The following RYR3 variants were observed in gnomAD, a reference collection of about 807,000 sequenced individuals.
RYR3 encodes ryanodine receptor 3, also known as brain ryanodine receptor-calcium release channel.
Under a neutral mutation model 584.3 loss-of-function variants are expected in RYR3, and 207 were observed. The observed-to-expected ratio is 0.35, with a 90% CI of 0.32 to 0.40. The LOEUF (loss-of-function observed/expected upper bound fraction) is 0.40, where lower values mean the gene tolerates loss of function less well. Among genes scored for constraint, RYR3 ranks in the 10% least tolerant of loss-of-function variants. RYR3 has a pLI of 1.00. For synonymous variants in RYR3, 2,416 were observed against 2,248.5 expected, an observed-to-expected ratio of 1.07 and a Z score of -2.11; for missense variants, 5,616 against 6,089.2, an observed-to-expected ratio of 0.92 and a Z score of 2.59.
chr15:33,510,781 T>C (rs1181474512), intron 3 of RYR3, among the ~76,000 whole-genome samples: 1 of 152,192 alleles, frequency 6.6e-6, no homozygotes, highest in African/African-American at 2.4e-5. Context: ...ACAGACCAAA[T>C]TGTCATTAAA....
At chr15:33,584,333 A>G (rs1310184769) in intron 14 of RYR3, 62 bp from the exon 15 acceptor site, 2 of 858,672 alleles carry the variant, frequency 2.3e-6, no homozygotes, top group Non-Finnish European at 1.9e-6. Context: ...ACAGCTTTCC[A>G]AGTTCTCACG....
intron 1 of RYR3, among the ~76,000 whole-genome samples, chr15:33,319,016 A>G (rs1174882050): frequency 6.6e-6 from 1 of 152,236 alleles, no homozygotes; most frequent in Non-Finnish European, 1.5e-5. Context: ...TTATCCCCTA[A>G]CAGAGCAAAT....
chr15:33,586,001 T>C lies in RYR3; in HGVS notation c.1673T>C (p.Ile558Thr). 1 of 1,595,694 alleles carries C rather than the reference T, an allele frequency of 6.3e-7. No homozygotes were observed. Among genetic ancestry groups the C allele is most frequent in the Non-Finnish European group, 8.6e-7 (1 of 1,163,192 alleles). ...GATGTTTGTGGCATTCATGTAGGTA[T>C]CTTGGAAGTTTTGCACTGCATCTTA... is the stretch of plus-strand genomic sequence containing the variant. ...KLDRLESSSG[I>T]LEVLHCILTE... The change falls in exon 16 of 104, where the codon ATC becomes ACC. Residue 558 changes from isoleucine to threonine, a missense_variant. By Grantham distance (89) the Ile-to-Thr change is moderately conservative (BLOSUM62 -1). Transcript: ENST00000634891.
intron 22 of RYR3, 136 bp downstream of exon 22, chr15:33,630,179 A>G (rs1175065744): frequency 8.5e-6 from 5 of 587,098 alleles, no homozygotes; most frequent in South Asian, 2.2e-5. Context: ...ATGATGAATC[A>G]TGTCACAAGA....
intron 1 of RYR3, among the ~76,000 whole-genome samples, chr15:33,395,819 G>A (rs932255453): frequency 3.3e-5 from 5 of 152,150 alleles, no homozygotes; most frequent in Admixed American, 6.5e-5. Context: ...CTGTAGTTGC[G>A]GAGCATTGGT....
At chr15:33,751,942 G>A (rs1026731666) in intron 57 of RYR3, among the ~76,000 whole-genome samples, 7 of 152,074 alleles carry the variant, frequency 4.6e-5, no homozygotes, top group African/African-American at 1.7e-4. Flanking sequence ...TCAGCTTTCT[G>A]CGTAGGGCTA....
At chr15:33,794,291 TTTTTTATATATATA>T (rs1241970921) in intron 67 of RYR3, among the ~76,000 whole-genome samples, 3 of 35,576 alleles carry the variant, frequency 8.4e-5, no homozygotes, top group African/African-American at 1.6e-4. Flanking sequence ...AAAGAAAAGA[TTTTTTATATATATA>T]TTTTTATATA....
Position 33,470,986 on chromosome 15 carries a change from G to C in RYR3, c.52-2433G>C, listed in dbSNP as rs140093138. Among the ~76,000 whole-genome samples, 238 of 152,290 alleles carry C rather than the reference G, an allele frequency of 1.6e-3. 2 individuals carry two copies. Among genetic ancestry groups the C allele is most frequent in the East Asian group, 0.015 (77 of 5,178 alleles). On this transcript the variant is annotated intron_variant, in intron 1 of 103. Coordinates refer to ENST00000634891, the MANE Select transcript of RYR3 (RefSeq NM_001036.6). Reference sequence around the variant, plus strand: ...GAAAGGCTTGTGTTCTAATTGGAGAGCTTGTGTTCTGTATTTTACTCAGGA... The same window carrying C: ...GAAAGGCTTGTGTTCTAATTGGAGACCTTGTGTTCTGTATTTTACTCAGGA...
chr15:33,438,947 G>T (rs915207181), intron 1 of RYR3, among the ~76,000 whole-genome samples: 1 of 152,110 alleles, frequency 6.6e-6, no homozygotes, highest in African/African-American at 2.4e-5. Flanking sequence ...GGTCACTGTT[G>T]AATGGAAATA....
At chr15:33,406,916 T>A (rs1173055899) in intron 1 of RYR3, among the ~76,000 whole-genome samples, 1 of 152,224 alleles carries the variant, frequency 6.6e-6, no homozygotes, top group East Asian at 1.9e-4. Context: ...TATAACAAAA[T>A]ACCACAAACT....
intron 1 of RYR3, among the ~76,000 whole-genome samples, chr15:33,351,862 C>G (rs1347562978): frequency 6.6e-6 from 1 of 150,582 alleles, no homozygotes; most frequent in African/African-American, 2.4e-5. Flanking sequence ...GACAGGGATG[C>G]CCTCTCTCAC....
chr15:33,828,863 C>G lies in RYR3; in HGVS notation c.11334+1576C>G, dbSNP rs77131529. On this transcript the variant is annotated intron_variant, in intron 85 of 103. Coordinates refer to ENST00000634891, the MANE Select transcript of RYR3 (RefSeq NM_001036.6). ...GTCACACTAAACAACAGATTTCCCA[C>G]GTACATGAAACAGCCTTCTCCTAGA... is the stretch of plus-strand genomic sequence containing the variant. 4.6e-3 allele frequency among the ~76,000 whole-genome samples: 702 copies of G among 152,328 alleles called. 4 individuals are homozygous for G. The highest frequency in any genetic ancestry group is 0.016 in the African/African-American group (668 of 41,560).
At chr15:33,594,764 GA>G in intron 16 of RYR3, among the ~76,000 whole-genome samples, 1 of 152,032 alleles carries the variant, frequency 6.6e-6, no homozygotes, top group Non-Finnish European at 1.5e-5. Flanking sequence ...TTTTGTGGAT[GA>G]AAAAAAGTTT....
intron 20 of RYR3, among the ~76,000 whole-genome samples, chr15:33,628,013 G>C (rs1307209263): frequency 6.6e-6 from 1 of 151,990 alleles, no homozygotes; most frequent in Non-Finnish European, 1.5e-5. Context: ...AACAGGAGGA[G>C]AAAAAAGATT....
chr15:33,580,144 G>C lies in RYR3; in HGVS notation c.1437G>C (p.Glu479Asp). ...ACAGACAAAATCTTTTCAAGGAAGAGGTAAGTCGAAAAATGAAAAGTTGAA... is the reference window on the plus strand; with the variant it reads ...ACAGACAAAATCTTTTCAAGGAAGACGTAAGTCGAAAAATGAAAAGTTGAA... ...LKNRQNLFKEEGMLALVLNCI... is the reference protein window; with the variant it reads ...LKNRQNLFKEDGMLALVLNCI... Residue 479 changes from glutamate (E) to aspartate (D), a missense_variant and splice_region_variant, in exon 13 of 104, where the codon GAG (glutamate) becomes GAC (aspartate). By Grantham distance (45) the Glu-to-Asp change is conservative (BLOSUM62 2). This residue lies in a region of RYR3 where 1,284 missense variants were observed against 1,344.6 expected (regional missense o/e 0.95). Coordinates refer to ENST00000634891, the MANE Select transcript of RYR3 (RefSeq NM_001036.6). The C allele has an allele frequency of 6.3e-7, 1 of 1,594,424 alleles. No homozygotes were observed. The highest frequency in any genetic ancestry group is 1.1e-5 in the South Asian group (1 of 88,170).
At chr15:33,467,404 C>T (rs1011835854) in intron 1 of RYR3, 206 of 780,556 alleles carry the variant, frequency 2.6e-4, no homozygotes, top group Admixed American at 3.7e-4. Context: ...CGTAGAGAAG[C>T]GGGAGAGCCA....
rs368370540 is a variant in RYR3, at chr15:33,859,712, C to G, written c.14280C>G (p.Ile4760Met). ...DITFFFFVIV[I>M]LLAIIQGLII... ...CCTTTTTCTTCTTCGTCATTGTCATCTTGCTGGCCATCATTCAAGGTATGA... is the reference window on the plus strand; with the variant it reads ...CCTTTTTCTTCTTCGTCATTGTCATGTTGCTGGCCATCATTCAAGGTATGA... Residue 4760 changes from isoleucine (I) to methionine (M), a missense_variant, in exon 100 of 104, where the codon ATC (isoleucine) becomes ATG (methionine). This residue lies in a region of RYR3 where 918 missense variants were observed against 887.4 expected (regional missense o/e 1.03). Transcript: ENST00000634891. 1 of 1,610,432 alleles carries G rather than the reference C, an allele frequency of 6.2e-7. No individual in the cohort carries two copies. Among genetic ancestry groups the G allele is most frequent in the Admixed American group, 1.7e-5 (1 of 59,462 alleles).
chr15:33,458,193 TGGGTA>T (rs2047720846), intron 1 of RYR3, among the ~76,000 whole-genome samples: 1 of 152,090 alleles, frequency 6.6e-6, no homozygotes, highest in South Asian at 2.1e-4. Context: ...TGCCAGGGGC[TGGGTA>T]GGGTAGACAG....
intron 66 of RYR3, among the ~76,000 whole-genome samples, chr15:33,786,229 C>G (rs900589384): frequency 5.9e-5 from 9 of 152,168 alleles, no homozygotes; most frequent in Non-Finnish European, 1.2e-4. Flanking sequence ...GGAAGCCCTT[C>G]TTAATCAACT....
Sources: gnomAD v4.1 joint callset for allele counts (sites outside exome capture counted in the v4.1 genomes callset) on GRCh38, gnomAD v4.1.1 for gene constraint, gnomAD v4.1.1 regional missense constraint, MANE v1.5 for transcripts, NCBI Gene and HGNC (gene_info 2026-07-23, HGNC 2026-07-21) for gene names.